PAPLN: variants seen among roughly 807,000 people sequenced by gnomAD.
PAPLN encodes the protein papilin, proteoglycan like sulfated glycoprotein.
A neutral mutation model predicts 159.0 loss-of-function variants in PAPLN; 146 were observed. The observed-to-expected ratio is 0.92, with a 90% CI of 0.80 to 1.05. PAPLN has a LOEUF of 1.05. Ranked by LOEUF, PAPLN falls within the 50% of genes least tolerant of loss-of-function variation. The pLI is 0.00. For synonymous variants in PAPLN, 734 were observed against 702.9 expected, an observed-to-expected ratio of 1.04 and a Z score of -0.70; for missense variants, 1,720 against 1,743.9, an observed-to-expected ratio of 0.99 and a Z score of 0.24.
intron 14 of PAPLN, among the ~76,000 whole-genome samples, chr14:73,257,567 C>T (rs1047598652): frequency 6.6e-6 from 1 of 152,038 alleles, no homozygotes; most frequent in Non-Finnish European, 1.5e-5. Flanking sequence ...TCCATATACC[C>T]TAAAAACCAC....
rs984860066 is a variant in PAPLN at position 73,237,538 on chromosome 14, G to C, written c.-61G>C. The C allele has an allele frequency of 1.3e-5, 2 of 152,306 alleles. No homozygotes were observed. Among genetic ancestry groups the C allele is most frequent in the African/African-American group, 4.8e-5 (2 of 41,462 alleles). 9.4% of individuals were successfully genotyped at this position (152,306 alleles called of 1,614,324 possible). On this transcript the variant is annotated 5_prime_UTR_variant, in exon 1 of 27. Transcript: ENST00000644200. ...GGCCGACCTCGCGGGCTTGGGCCTG[G>C]GCGGGCACCGACGGAGCGGCCCTGG...
Position 73,264,644 on chromosome 14 carries a change from G to A in PAPLN, c.3043G>A (p.Asp1015Asn). ...GCTGAGCCGCTTCCCTCAGCCCAGGGACCCAGCTCAGGACTTTGGCCAAGC... is the reference window on the plus strand; with the variant it reads ...GCTGAGCCGCTTCCCTCAGCCCAGGAACCCAGCTCAGGACTTTGGCCAAGC... Reference protein sequence around the residue: ...AELSRFPQPRDPAQDFGQAGA... With the variant: ...AELSRFPQPRNPAQDFGQAGA... Residue 1015 changes from aspartate (D) to asparagine (N), a missense_variant, in exon 22 of 27, where the codon GAC (aspartate) becomes AAC (asparagine). Transcript: ENST00000644200. The A allele has an allele frequency of 6.2e-7, 1 of 1,605,748 alleles. No individual in the cohort carries two copies. Among genetic ancestry groups the A allele is most frequent in the Non-Finnish European group, 8.5e-7 (1 of 1,177,954 alleles).
chr14:73,259,572 C>T (rs756483185), intron 16 of PAPLN, 27 bp downstream of exon 16: 3 of 1,480,796 alleles, frequency 2.0e-6, no homozygotes, highest in Non-Finnish European at 2.7e-6. Flanking sequence ...GGTCTTCCTC[C>T]TCCCCCGTCA....
intron 26 of PAPLN, among the ~76,000 whole-genome samples, chr14:73,269,754 G>A (rs1170984634): frequency 6.6e-6 from 1 of 152,186 alleles, no homozygotes; most frequent in East Asian, 1.9e-4. Context: ...GACCTTGGGG[G>A]AGTATGCCAG....
At chr14:73,236,104 C>T (rs1431110286), upstream of PAPLN, among the ~76,000 whole-genome samples, 3 of 150,280 alleles carry the variant, frequency 2.0e-5, no homozygotes, top group Non-Finnish European at 4.4e-5. Flanking sequence ...TCCCCAACTT[C>T]TTCCCCCCAA....
chr14:73,257,813 G>A (rs1470022044), intron 14 of PAPLN, among the ~76,000 whole-genome samples: 1 of 134,478 alleles, frequency 7.4e-6, no homozygotes, highest in Non-Finnish European at 1.5e-5. Context: ...GCCCAGTTTG[G>A]AGTGCAGTGG....
intron 7 of PAPLN, 101 bp from the exon 8 acceptor site, chr14:73,251,385 C>T (rs944288205): frequency 2.4e-6 from 3 of 1,252,962 alleles, no homozygotes; most frequent in East Asian, 2.5e-5. Flanking sequence ...TGTGTACCCT[C>T]CCTGCCCCCA....
At chr14:73,257,518 A>C (rs1268043542) in intron 14 of PAPLN, among the ~76,000 whole-genome samples, 1 of 152,134 alleles carries the variant, frequency 6.6e-6, no homozygotes, top group African/African-American at 2.4e-5. Context: ...TTGTGACGAA[A>C]AATCTTTTTG....
intron 2 of PAPLN, among the ~76,000 whole-genome samples, chr14:73,241,096 G>T (rs1460643126): frequency 6.6e-6 from 1 of 152,118 alleles, no homozygotes; most frequent in Non-Finnish European, 1.5e-5. Flanking sequence ...AGGCAGGATG[G>T]ATGGCAGTGG....
chr14:73,271,295 C>T (rs1887694376), intron 26 of PAPLN, among the ~76,000 whole-genome samples: 1 of 152,086 alleles, frequency 6.6e-6, no homozygotes, highest in African/African-American at 2.4e-5. Context: ...AGGTAATAGT[C>T]TGGTTATACC....
chr14:73,255,516 C>G (rs1885808038), intron 14 of PAPLN, among the ~76,000 whole-genome samples: 1 of 152,210 alleles, frequency 6.6e-6, no homozygotes, highest in South Asian at 2.1e-4. Context: ...CATGCCACTT[C>G]TGCCTCTGTC....
rs1287657739 is a variant in PAPLN at position 73,250,914 on chromosome 14, G to T, written c.473G>T (p.Gly158Val). The change falls in exon 7 of 27, where the codon GGC (glycine) becomes GTC (valine). Residue 158 changes from glycine to valine, a missense_variant. Gly to Val is a moderately radical substitution (Grantham distance 109). Coordinates refer to ENST00000644200, the MANE Select transcript of PAPLN (RefSeq NM_001365906.3). Reference sequence around the variant, plus strand: ...CCGCATCTCTGCCCACAGGTTGTCGGCTGTGATCACGAGCTGGACTCGTCC... The same window carrying T: ...CCGCATCTCTGCCCACAGGTTGTCGTCTGTGATCACGAGCTGGACTCGTCC... ...VCVDGSCRVVGCDHELDSSKQ... is the reference protein window; with the variant it reads ...VCVDGSCRVVVCDHELDSSKQ... The T allele has an allele frequency of 6.2e-7, 1 of 1,612,184 alleles. No homozygotes were observed. Among genetic ancestry groups the T allele is most frequent in the Non-Finnish European group, 8.5e-7 (1 of 1,179,294 alleles).
intron 26 of PAPLN, among the ~76,000 whole-genome samples, chr14:73,270,146 G>A (rs942313927): frequency 6.6e-6 from 1 of 152,194 alleles, no homozygotes; most frequent in African/African-American, 2.4e-5. Context: ...CCAGCCCGCC[G>A]CCTTGACCTC....
In PAPLN at chr14:73,245,629, C is replaced by A; in HGVS notation, c.171-7C>A. 1 of 1,556,986 alleles carries A rather than the reference C, an allele frequency of 6.4e-7. No individual in the cohort carries two copies. The highest frequency in any genetic ancestry group is 8.7e-7 in the Non-Finnish European group (1 of 1,151,594). On this transcript the variant is annotated splice_polypyrimidine_tract_variant and splice_region_variant and intron_variant, in intron 3 of 26. Coordinates refer to ENST00000644200, the MANE Select transcript of PAPLN (RefSeq NM_001365906.3). This position sits in a 1 kb window ranked among gnomAD's most constrained non-coding sequence, Gnocchi z 4.2. ...GGTCAGGTCTTCCCGGTGCTCTGGT[C>A]CCGCAGGAGAGATGGAGGCTCCAGC...
In PAPLN at chr14:73,245,553, A is replaced by G; in HGVS notation, c.171-83A>G. The G allele has an allele frequency of 1.8e-5, 26 of 1,444,454 alleles. 1 individual carries two copies. The South Asian group carries it at 3.2e-4, about 18-fold the overall frequency. 89.5% of individuals were successfully genotyped at this position (1,444,454 alleles called of 1,614,324 possible). A position where few individuals can be genotyped will look rare whatever the true frequency, so the allele number is the denominator to read the frequency against. ...CTGCTCCCACTGGAGAGTCCCGCAGAAGTTGGGGCCTGCAGAGAGCCCCAG... is the reference window on the plus strand; with the variant it reads ...CTGCTCCCACTGGAGAGTCCCGCAGGAGTTGGGGCCTGCAGAGAGCCCCAG... On this transcript the variant is annotated intron_variant, in intron 3 of 26. Transcript: ENST00000644200. This position sits in a 1 kb window ranked among gnomAD's most constrained non-coding sequence, Gnocchi z 4.2.
At chr14:73,261,096 A>G in intron 17 of PAPLN, 60 bp from the exon 18 acceptor site, 2 of 1,613,258 alleles carry the variant, frequency 1.2e-6, no homozygotes, top group Non-Finnish European at 8.5e-7. Flanking sequence ...GTGGCAGCCC[A>G]GAGTCCCCAA....
intron 9 of PAPLN, 73 bp from the exon 10 acceptor site, chr14:73,251,945 G>A (rs1171544914): frequency 6.4e-7 from 1 of 1,552,960 alleles, no homozygotes; most frequent in Non-Finnish European, 8.7e-7. Flanking sequence ...AGGCTGGCAG[G>A]GGGCTGTGAG....
rs561391204 is a variant in PAPLN, at chr14:73,271,259, G to A, written c.3668-1236G>A. Among the ~76,000 whole-genome samples, 4 of 152,230 alleles carry A rather than the reference G, an allele frequency of 2.6e-5. No homozygotes were observed. The South Asian group carries it at 8.3e-4, about 32-fold the overall frequency. On this transcript the variant is annotated intron_variant, in intron 26 of 26. Transcript: ENST00000644200. ...TTTTTAGAAACAATATGCATTAATG[G>A]CTTTGTTATCTATATAAATTTAGGT...
In PAPLN at chr14:73,245,984, T is replaced by A. The variant is rs570087860; in HGVS notation, c.232-89T>A. The stretch of plus-strand genomic sequence containing the variant: ...CTCCGATGGGGCAGGCAAGGGAGAC[T>A]CCTGGGCTCCCTGGGCTCGGGCGGG... On this transcript the variant is annotated intron_variant, in intron 4 of 26. Coordinates refer to ENST00000644200, the MANE Select transcript of PAPLN (RefSeq NM_001365906.3). This position sits in a 1 kb window ranked among gnomAD's most constrained non-coding sequence, Gnocchi z 4.2. The A allele has an allele frequency of 1.5e-6, 2 of 1,313,042 alleles. No homozygotes were observed. The highest frequency in any genetic ancestry group is 2.0e-6 in the Non-Finnish European group (2 of 985,222). 81.3% of individuals were successfully genotyped at this position (1,313,042 alleles called of 1,614,324 possible). A position where few individuals can be genotyped will look rare whatever the true frequency, so the allele number is the denominator to read the frequency against.
Sources: allele counts gnomAD v4.1 joint callset (sites outside exome capture counted in the v4.1 genomes callset), GRCh38; gene constraint gnomAD v4.1.1; non-coding constraint Gnocchi (gnomAD v3.1); transcripts MANE v1.5; gene names NCBI Gene and HGNC (gene_info 2026-07-23, HGNC 2026-07-21).